Variants in IGSF3 observed in about 807,000 individuals in gnomAD.
IGSF3 encodes immunoglobulin superfamily member 3, also known as glu-Trp-Ile EWI motif-containing protein 3.
Under a neutral mutation model 114.4 loss-of-function variants are expected in IGSF3, and 23 were observed. The ratio of observed to expected loss-of-function variants is 0.20; its 90% confidence interval spans 0.14 to 0.28. IGSF3 has a LOEUF of 0.28. IGSF3 is among the 10% of genes least tolerant of loss of function. The pLI, the probability that IGSF3 is intolerant of heterozygous loss-of-function variation, is 1.00. For synonymous variants in IGSF3, 571 were observed against 645.2 expected (o/e 0.88, Z 1.74); for missense variants, 1,172 against 1,591.5 (o/e 0.74, Z 4.48).
Position 116,589,079 on chromosome 1 carries a change from C to A in IGSF3, c.2055G>T (p.Ser685=). ...TTTCCACCAGGGTGAGGGTCCTCTTCGATTTGCTCACCTGCAGCTTTGTCA... is the reference window on the plus strand; with the variant it reads ...TTTCCACCAGGGTGAGGGTCCTCTTAGATTTGCTCACCTGCAGCTTTGTCA... ...QPVTKLQVSK[S]KRTLTLVENK... Residue 685 remains serine, a synonymous_variant, in exon 8 of 11, where the codon TCG becomes TCT. Coordinates refer to ENST00000369486, the MANE Select transcript of IGSF3 (RefSeq NM_001007237.3). The surrounding 1 kb of genome is among the most constrained non-coding windows in gnomAD (Gnocchi z 5.7). 3 of 1,613,800 alleles carry A rather than the reference C, an allele frequency of 1.9e-6. No individual in the cohort carries two copies. The highest frequency in any genetic ancestry group is 2.5e-6 in the Non-Finnish European group (3 of 1,179,802).
Position 116,649,950 on chromosome 1 carries a change from G to A in IGSF3, c.43+16334C>T, listed in dbSNP as rs1290548493. Among the ~76,000 whole-genome samples, 5 of 152,042 alleles carry A rather than the reference G, an allele frequency of 3.3e-5. No homozygotes were observed. The highest frequency in any genetic ancestry group is 4.4e-5 in the Non-Finnish European group (3 of 68,014). ...ATGCCACCATTCCTTTCCCCAGAAC[G>A]CCCTTCTGCTCCTCCCACACAAATC... is the stretch of plus-strand genomic sequence containing the variant. On this transcript the variant is annotated intron_variant, in intron 2 of 10. Transcript: ENST00000369486. This position sits in a 1 kb window ranked among gnomAD's most constrained non-coding sequence, Gnocchi z 4.5.
At position 116,608,095 on chromosome 1, in the gene IGSF3, T is replaced by G. The variant is rs1372553988; in HGVS notation, c.1069A>C (p.Ser357Arg). The G allele has an allele frequency of 3.1e-6, 5 of 1,613,906 alleles. No individual in the cohort carries two copies. The highest frequency in any genetic ancestry group is 4.2e-6 in the Non-Finnish European group (5 of 1,179,848). ...TGGTAGATCTTCAGCACAAAGACAC[T>G]GTCGCTCTCTTTGGCCACCTTAAGC... ...GQLKVAKESD[S>R]VFVLKIYHLR... is the part of the protein sequence containing the mutation. The change falls in exon 5 of 11, where the codon AGT becomes CGT. Residue 357 changes from serine (S) to arginine (R), a missense_variant. Physicochemically the swap from Ser to Arg is moderately radical, Grantham distance 110 (BLOSUM62 -1). Coordinates refer to ENST00000369486, the MANE Select transcript of IGSF3 (RefSeq NM_001007237.3).
At chr1:116,602,501 A>C (rs1660634895) in intron 6 of IGSF3, among the ~76,000 whole-genome samples, 1 of 152,268 alleles carries the variant, frequency 6.6e-6, no homozygotes, top group African/African-American at 2.4e-5. Context: ...GAAGTTTCTA[A>C]GACAGAAATC....
rs370022674 is a variant in IGSF3 at position 116,603,798 on chromosome 1, C to A, written c.1450G>T (p.Val484Phe). The change falls in exon 6 of 11, where the codon GTC becomes TTC. Residue 484 changes from valine to phenylalanine, a missense_variant. Transcript: ENST00000369486. The surrounding 1 kb of genome is among the most constrained non-coding windows in gnomAD (Gnocchi z 7.1). The part of the protein sequence containing the change: ...SYWERSSFGG[V>F]QMEQVQPNSF... ...TTGGGCTGCACCTGCTCCATCTGGA[C>A]GCCCCCAAAGCTGCTGCGCTCCCAG... The A allele has an allele frequency of 2.5e-6, 4 of 1,613,908 alleles. No homozygotes were observed. The highest frequency in any genetic ancestry group is 1.7e-5 in the Admixed American group (1 of 60,006).
chr1:116,647,832 G>A lies in IGSF3; in HGVS notation c.43+18452C>T, dbSNP rs1482502758. ...AAAATAAGAGCAGCTGACTGGGCACGGTGGCTCACGCCTGTAATCCAAGCA... is the reference window on the plus strand; with the variant it reads ...AAAATAAGAGCAGCTGACTGGGCACAGTGGCTCACGCCTGTAATCCAAGCA... On this transcript the variant is annotated intron_variant, in intron 2 of 10. Coordinates refer to ENST00000369486, the MANE Select transcript of IGSF3 (RefSeq NM_001007237.3). The surrounding 1 kb of genome is among the most constrained non-coding windows in gnomAD (Gnocchi z 4.6). Among the ~76,000 whole-genome samples, 1 of 152,188 alleles carries A rather than the reference G, an allele frequency of 6.6e-6. No individual in the cohort carries two copies. Among genetic ancestry groups the A allele is most frequent in the African/African-American group, 2.4e-5 (1 of 41,422 alleles).
At chr1:116,663,465 T>C (rs1256923436) in intron 2 of IGSF3, among the ~76,000 whole-genome samples, 1 of 151,492 alleles carries the variant, frequency 6.6e-6, no homozygotes, top group Non-Finnish European at 1.5e-5. Context: ...CAGGCTTAAA[T>C]GGCTTTGTAA....
intron 2 of IGSF3, among the ~76,000 whole-genome samples, chr1:116,623,673 G>A (rs983141784): frequency 4.6e-5 from 7 of 151,792 alleles, no homozygotes; most frequent in African/African-American, 1.7e-4. Flanking sequence ...TGCCATCAAG[G>A]GACAGTCTAA....
rs1263140459 is a variant in IGSF3, at chr1:116,618,129, C to T, written c.44-1672G>A. On this transcript the variant is annotated intron_variant, in intron 2 of 10. Transcript: ENST00000369486. The surrounding 1 kb of genome is among the most constrained non-coding windows in gnomAD (Gnocchi z 4.7). ...CAAAAACGGCCCATACAATGAAATG[C>T]CCATGGCTTGCAAAACTTTAATTCA... Among the ~76,000 whole-genome samples, 5 of 152,214 alleles carry T rather than the reference C, an allele frequency of 3.3e-5. No homozygotes were observed. Among genetic ancestry groups the T allele is most frequent in the Non-Finnish European group, 7.3e-5 (5 of 68,036 alleles).
chr1:116,666,443 C>G lies in IGSF3; in HGVS notation c.-117G>C. The G allele has an allele frequency of 1.1e-6, 1 of 937,100 alleles. No homozygotes were observed. 58.0% of individuals were successfully genotyped at this position (937,100 alleles called of 1,614,324 possible). On this transcript the variant is annotated 5_prime_UTR_variant, in exon 2 of 11. Transcript: ENST00000369486. ...GAACAGTTTTGGAAATAGAACTTAA[C>G]TCGGAAAATGGGAACAGATTAAAAA... is the stretch of plus-strand genomic sequence containing the variant.
In IGSF3 at chr1:116,634,897, A is replaced by G. The variant is rs896654207; in HGVS notation, c.44-18440T>C. Among the ~76,000 whole-genome samples, 2 of 152,012 alleles carry G rather than the reference A, an allele frequency of 1.3e-5. No individual in the cohort carries two copies. Among genetic ancestry groups the G allele is most frequent in the African/African-American group, 4.8e-5 (2 of 41,374 alleles). On this transcript the variant is annotated intron_variant, in intron 2 of 10. Transcript: ENST00000369486. The surrounding 1 kb of genome is among the most constrained non-coding windows in gnomAD (Gnocchi z 4.2). Reference sequence around the variant, plus strand: ...GCCTGCTCCGAGCCCGCCACACTATAAGGAAGCCCAAGCTACCCCACAGGA... The same window carrying G: ...GCCTGCTCCGAGCCCGCCACACTATGAGGAAGCCCAAGCTACCCCACAGGA...
rs1660829279 is a variant in IGSF3 at position 116,607,378 on chromosome 1, G to A, written c.1222+564C>T. 1.3e-5 allele frequency among the ~76,000 whole-genome samples: 2 copies of A among 152,178 alleles called. No individual in the cohort carries two copies. Among genetic ancestry groups the A allele is most frequent in the Non-Finnish European group, 2.9e-5 (2 of 68,048 alleles). ...GCTAAGCTTAAAAGGCTATGCTCCAGGAAGATGTGAGAGGTCCCATCCACC... is the reference window on the plus strand; with the variant it reads ...GCTAAGCTTAAAAGGCTATGCTCCAAGAAGATGTGAGAGGTCCCATCCACC... On this transcript the variant is annotated intron_variant, in intron 5 of 10. Transcript: ENST00000369486. The surrounding 1 kb of genome is among the most constrained non-coding windows in gnomAD (Gnocchi z 6.1).
intron 2 of IGSF3, among the ~76,000 whole-genome samples, chr1:116,659,264 G>A (rs1452807077): frequency 6.6e-6 from 1 of 152,142 alleles, no homozygotes; most frequent in Non-Finnish European, 1.5e-5. Flanking sequence ...CCTTCTGAAG[G>A]TGGAGTTCAA....
intron 4 of IGSF3, 73 bp downstream of exon 4, chr1:116,613,692 T>G (rs1201575096): frequency 1.4e-5 from 20 of 1,415,698 alleles, no homozygotes; most frequent in Non-Finnish European, 2.0e-5. Flanking sequence ...AGAAGGAGTC[T>G]CCACATTCTC....
chr1:116,604,386 T>C (rs975729053), intron 5 of IGSF3, among the ~76,000 whole-genome samples: 1 of 152,198 alleles, frequency 6.6e-6, no homozygotes, highest in Non-Finnish European at 1.5e-5. Flanking sequence ...TTTTTCAAGT[T>C]GAATTTTCAG....
rs1252246412 is a variant in IGSF3, at chr1:116,650,113, T to C, written c.43+16171A>G. Reference sequence around the variant, plus strand: ...AATAATGTGCTTTTTGATGATAATCTGAATGGTACAAGAAGAAATCCTGTT... The same window carrying C: ...AATAATGTGCTTTTTGATGATAATCCGAATGGTACAAGAAGAAATCCTGTT... On this transcript the variant is annotated intron_variant, in intron 2 of 10. Coordinates refer to ENST00000369486, the MANE Select transcript of IGSF3 (RefSeq NM_001007237.3). The surrounding 1 kb of genome is among the most constrained non-coding windows in gnomAD (Gnocchi z 5.0). Among the ~76,000 whole-genome samples, 1 of 152,230 alleles carries C rather than the reference T, an allele frequency of 6.6e-6. No individual in the cohort carries two copies. The highest frequency in any genetic ancestry group is 1.9e-4 in the East Asian group (1 of 5,194).
rs1429824976 is a variant in IGSF3 at position 116,649,598 on chromosome 1, G to A, written c.43+16686C>T. ...AGTTAATTTATTACAATCTTCCTTTGACAGCTTCACTCCCTCCCCGCACTG... is the reference window on the plus strand; with the variant it reads ...AGTTAATTTATTACAATCTTCCTTTAACAGCTTCACTCCCTCCCCGCACTG... On this transcript the variant is annotated intron_variant, in intron 2 of 10. Coordinates refer to ENST00000369486, the MANE Select transcript of IGSF3 (RefSeq NM_001007237.3). The surrounding 1 kb of genome is among the most constrained non-coding windows in gnomAD (Gnocchi z 4.5). Among the ~76,000 whole-genome samples the A allele has an allele frequency of 5.3e-5, 8 of 152,030 alleles. No homozygotes were observed. In the South Asian group the frequency reaches 1.2e-3, roughly 24 times the overall value.
At chr1:116,626,810 C>T (rs184343151) in intron 2 of IGSF3, among the ~76,000 whole-genome samples, 81 of 152,226 alleles carry the variant, frequency 5.3e-4, no homozygotes, top group Non-Finnish European at 1.1e-3. Flanking sequence ...CCTGCATTCC[C>T]CCTCACTCTC....
Position 116,633,069 on chromosome 1 carries a change from AC to A in IGSF3, c.44-16613del, listed in dbSNP as rs1195338290. Among the ~76,000 whole-genome samples the A allele has an allele frequency of 6.6e-6, 1 of 152,232 alleles. No homozygotes were observed. The highest frequency in any genetic ancestry group is 1.5e-5 in the Non-Finnish European group (1 of 68,040). ...TAGACCAATGCTGCACGCTGCAGAG[AC>A]ACAGTCTTTGGGTTCTGTGAGCTGT... On this transcript the variant is annotated intron_variant, in intron 2 of 10. Transcript: ENST00000369486. This position sits in a 1 kb window ranked among gnomAD's most constrained non-coding sequence, Gnocchi z 4.3.
At chr1:116,639,463 G>A (rs1041007874) in intron 2 of IGSF3, among the ~76,000 whole-genome samples, 12 of 152,168 alleles carry the variant, frequency 7.9e-5, no homozygotes, top group African/African-American at 7.2e-5. Flanking sequence ...CACAGGTGTG[G>A]AGACAGGTCC....
Sources: gnomAD v4.1 joint callset for allele counts (sites outside exome capture counted in the v4.1 genomes callset) on GRCh38, gnomAD v4.1.1 for gene constraint, Gnocchi (gnomAD v3.1) non-coding constraint, MANE v1.5 for transcripts, NCBI Gene and HGNC (gene_info 2026-07-23, HGNC 2026-07-21) for gene names.